SLC6A6: variants seen among roughly 807,000 people sequenced by gnomAD.
SLC6A6 encodes the protein sodium- and chloride-dependent taurine transporter.
Under a neutral mutation model 68.8 loss-of-function variants are expected in SLC6A6, and 16 were observed. The ratio of observed to expected loss-of-function variants is 0.23; its 90% CI spans 0.16 to 0.35. The LOEUF (loss-of-function observed/expected upper bound fraction) is 0.35. SLC6A6 is among the 10% of genes least tolerant of loss of function. The pLI is 1.00. For synonymous variants in SLC6A6, 312 were observed against 315.4 expected, an observed-to-expected ratio of 0.99 and a Z score of 0.12; for missense variants, 474 against 802.8, an observed-to-expected ratio of 0.59 and a Z score of 4.95.
chr3:14,402,588 A>C (rs913864152), upstream of SLC6A6: 41 of 396,954 alleles, frequency 1.0e-4, no homozygotes, highest in African/African-American at 8.5e-4. The surrounding 1 kb of genome is among the most constrained non-coding windows in gnomAD (Gnocchi z 4.8). Flanking sequence ...TTTTCCACCC[A>C]GCAGGATGGG....
intron 2 of SLC6A6, among the ~76,000 whole-genome samples, chr3:14,429,642 C>A (rs1699679012): frequency 6.6e-6 from 1 of 152,242 alleles, no homozygotes; most frequent in Admixed American, 6.5e-5. Flanking sequence ...TTCAGATTCA[C>A]CTGGGAAGCT....
Position 14,477,399 on chromosome 3 carries a change from C to T in SLC6A6, c.1347+57C>T. ...TGGTGCTCCAGTGCCCTCCTCAAGGCCATAGTGGAGGCAGCAGCTGGGTGA... is the reference window on the plus strand; with the variant it reads ...TGGTGCTCCAGTGCCCTCCTCAAGGTCATAGTGGAGGCAGCAGCTGGGTGA... On this transcript the variant is annotated intron_variant, in intron 11 of 14. Transcript: ENST00000622186. The surrounding 1 kb of genome is among the most constrained non-coding windows in gnomAD (Gnocchi z 4.2). 6.4e-7 allele frequency: 1 copy of T among 1,565,214 alleles called. No homozygotes were observed. The highest frequency in any genetic ancestry group is 2.3e-5 in the East Asian group (1 of 44,418).
intron 14 of SLC6A6, 31 bp from the exon 15 acceptor site, chr3:14,484,836 T>G (rs774265514): frequency 5.0e-6 from 8 of 1,605,550 alleles, no homozygotes; most frequent in Non-Finnish European, 6.0e-6. Context: ...CGCCTGACGT[T>G]TCCCCCCTCA....
At chr3:14,448,102 G>T (rs1356451128) in intron 5 of SLC6A6, 1 of 1,145,202 alleles carries the variant, frequency 8.7e-7, no homozygotes, top group Non-Finnish European at 1.1e-6. Context: ...TGTGAGGCAG[G>T]TATGCATACT....
rs117213442 is a variant in SLC6A6, at chr3:14,407,503, T to C, written c.-54+4656T>C. Among the ~76,000 whole-genome samples the C allele has an allele frequency of 6.6e-5, 10 of 151,444 alleles. No individual in the cohort carries two copies. The East Asian group carries it at 2.0e-3, about 30-fold the overall frequency. Reference sequence around the variant, plus strand: ...CACAAGACAGCCACTTTCTCCGTTTTCTTTTTCTTTTTTTTTTTTTTTGAG... The same window carrying C: ...CACAAGACAGCCACTTTCTCCGTTTCCTTTTTCTTTTTTTTTTTTTTTGAG... On this transcript the variant is annotated intron_variant, in intron 1 of 14. Transcript: ENST00000622186.
At chr3:14,441,346 C>T (rs530046979) in intron 2 of SLC6A6, among the ~76,000 whole-genome samples, 3 of 152,118 alleles carry the variant, frequency 2.0e-5, no homozygotes, top group South Asian at 2.1e-4. Flanking sequence ...TGATAACCAT[C>T]GGGGGGCTGT....
At chr3:14,467,485 T>C (rs1700647931) in intron 7 of SLC6A6, among the ~76,000 whole-genome samples, 1 of 152,192 alleles carries the variant, frequency 6.6e-6, no homozygotes, top group Non-Finnish European at 1.5e-5. Flanking sequence ...TCTTTGAACC[T>C]GGGAAATAGC....
chr3:14,464,444 A>C (rs1700569028), intron 6 of SLC6A6, among the ~76,000 whole-genome samples: 2 of 152,340 alleles, frequency 1.3e-5, no homozygotes, highest in South Asian at 4.1e-4. Flanking sequence ...GCCAGTGAAA[A>C]TAGACGTCAC....
intron 5 of SLC6A6, among the ~76,000 whole-genome samples, chr3:14,448,995 TTC>T (rs1371283680): frequency 6.6e-6 from 1 of 152,222 alleles, no homozygotes; most frequent in Non-Finnish European, 1.5e-5. Context: ...GTGGTTCTGG[TTC>T]TGAATCATCA....
intron 2 of SLC6A6, among the ~76,000 whole-genome samples, chr3:14,420,389 G>C (rs948271149): frequency 6.6e-6 from 1 of 151,982 alleles, no homozygotes; most frequent in African/African-American, 2.4e-5. Flanking sequence ...TGCTGACCTT[G>C]TTGTAAGCCA....
At chr3:14,423,540 TCA>T (rs1699528320) in intron 2 of SLC6A6, among the ~76,000 whole-genome samples, 1 of 152,100 alleles carries the variant, frequency 6.6e-6, no homozygotes, top group African/African-American at 2.4e-5. Context: ...CTCCTGAGGC[TCA>T]GAGAAGTACA....
chr3:14,437,753 G>A (rs566094789), intron 2 of SLC6A6, among the ~76,000 whole-genome samples: 62 of 151,842 alleles, frequency 4.1e-4, no homozygotes, highest in African/African-American at 1.4e-3. Context: ...TGTGGTTTTT[G>A]ACCAGCAATT....
chr3:14,460,236 G>A (rs935831748), intron 6 of SLC6A6, among the ~76,000 whole-genome samples: 4 of 152,104 alleles, frequency 2.6e-5, no homozygotes, highest in African/African-American at 9.7e-5. Context: ...TCACAAAACA[G>A]ACAAAAATTC....
Position 14,468,362 on chromosome 3 carries a change from C to A in SLC6A6, c.1096+150C>A. The A allele has an allele frequency of 1.4e-6, 1 of 730,188 alleles. No homozygotes were observed. The allele number at this position is 730,188 out of a possible 1,614,324, so 45.2% of individuals were successfully genotyped here. On this transcript the variant is annotated intron_variant, in intron 9 of 14. Coordinates refer to ENST00000622186, the MANE Select transcript of SLC6A6 (RefSeq NM_003043.6). This position sits in a 1 kb window ranked among gnomAD's most constrained non-coding sequence, Gnocchi z 4.5. ...CCCCCCCCCGCCACCAAGATATCCC[C>A]CAAATTTCAAAGAGTACAAAGCCAA...
intron 5 of SLC6A6, chr3:14,448,021 G>A: frequency 7.5e-7 from 1 of 1,330,778 alleles, no homozygotes; most frequent in Non-Finnish European, 9.9e-7. Context: ...TTGACCTTAG[G>A]CAAGCCACTC....
intron 7 of SLC6A6, 58 bp downstream of exon 7, chr3:14,466,708 G>A (rs899575242): frequency 3.5e-4 from 530 of 1,519,326 alleles, no homozygotes; most frequent in Non-Finnish European, 4.5e-4. Flanking sequence ...GCCGGCACAG[G>A]ACAGGGCAGG....
chr3:14,435,966 G>A (rs1318385818), intron 2 of SLC6A6, among the ~76,000 whole-genome samples: 1 of 152,174 alleles, frequency 6.6e-6, no homozygotes, highest in Non-Finnish European at 1.5e-5. Flanking sequence ...GTGGACTCCT[G>A]TCCTTTGCCC....
intron 2 of SLC6A6, among the ~76,000 whole-genome samples, chr3:14,430,400 G>A (rs576292272): frequency 6.6e-6 from 1 of 152,240 alleles, no homozygotes; most frequent in East Asian, 1.9e-4. Context: ...CCATCAGAAG[G>A]TATACCATGT....
At chr3:14,437,558 T>C (rs996266158) in intron 2 of SLC6A6, among the ~76,000 whole-genome samples, 2 of 152,250 alleles carry the variant, frequency 1.3e-5, no homozygotes, top group African/African-American at 2.4e-5. Context: ...GTAGAATGAC[T>C]GGATCAAGCC....
Sources: gnomAD v4.1 joint callset for allele counts (sites outside exome capture counted in the v4.1 genomes callset) on GRCh38, gnomAD v4.1.1 for gene constraint, Gnocchi (gnomAD v3.1) non-coding constraint, MANE v1.5 for transcripts, NCBI Gene and HGNC (gene_info 2026-07-23, HGNC 2026-07-21) for gene names.